The following PHEX variants were observed in gnomAD, a reference collection of about 807,000 sequenced individuals.
PHEX encodes the protein phosphate regulating endopeptidase X-linked.
Under a neutral mutation model 68.0 loss-of-function variants are expected in PHEX, and 16 were observed. The ratio of observed to expected loss-of-function variants is 0.24; its 90% CI spans 0.16 to 0.36. The LOEUF (loss-of-function observed/expected upper bound fraction) is 0.36, where lower values mean the gene tolerates loss of function less well. Ranked by LOEUF, PHEX falls within the 10% of genes least tolerant of loss-of-function variation. PHEX has a pLI of 1.00. For synonymous variants in PHEX, 208 were observed against 205.1 expected, an observed-to-expected ratio of 1.01 and a Z score of -0.12; for missense variants, 480 against 575.5, an observed-to-expected ratio of 0.83 and a Z score of 1.70.
At chrX:22,224,164 A>ATAGAT (rs1935363790) in intron 18 of PHEX, among the ~76,000 whole-genome samples, 1 of 111,168 alleles carries the variant, frequency 9.0e-6, no homozygotes, top group African/African-American at 3.3e-5. Context: ...TGTATTTTTA[A>ATAGAT]TAGATACGGG....
chrX:22,239,229 G>T (rs918799090), intron 20 of PHEX, among the ~76,000 whole-genome samples: 1 of 111,637 alleles, frequency 9.0e-6, no homozygotes, highest in Non-Finnish European at 1.9e-5. Context: ...CATATCCGAA[G>T]GTCACCAGCA....
intron 8 of PHEX, chrX:22,097,908 C>A: frequency 1.1e-5 from 2 of 174,708 alleles, no homozygotes; most frequent in Non-Finnish European, 1.0e-5. Context: ...GCTGGGATTA[C>A]AGGTGCCGGC....
At chrX:22,050,954 A>G (rs752258585) in intron 3 of PHEX, among the ~76,000 whole-genome samples, 4 of 112,134 alleles carry the variant, frequency 3.6e-5, no homozygotes, top group African/African-American at 6.5e-5. Flanking sequence ...ATTTGTCTCT[A>G]TATTTATGAT....
chrX:22,148,978 G>T (rs1323142266), intron 12 of PHEX, among the ~76,000 whole-genome samples: 2 of 111,594 alleles, frequency 1.8e-5, no homozygotes, highest in Non-Finnish European at 3.8e-5. Flanking sequence ...AGGTTTTAGG[G>T]CCCAGAACTG....
chrX:22,175,181 T>C (rs773563390), intron 13 of PHEX, among the ~76,000 whole-genome samples: 9 of 111,988 alleles, frequency 8.0e-5, no homozygotes, highest in Non-Finnish European at 1.3e-4. Flanking sequence ...ATTCTCAACT[T>C]AATAATGAAA....
intron 7 of PHEX, among the ~76,000 whole-genome samples, chrX:22,095,715 A>G (rs1930106859): frequency 1.8e-5 from 2 of 112,449 alleles, no homozygotes; most frequent in Admixed American, 9.4e-5. Context: ...GAGGGGCCAG[A>G]CGTCTGCCAG....
chrX:22,244,468 G>C (rs757066742), intron 20 of PHEX, among the ~76,000 whole-genome samples: 5 of 110,759 alleles, frequency 4.5e-5, no homozygotes, highest in African/African-American at 1.6e-4. Flanking sequence ...TGGGCGTGGC[G>C]GTGTGCACCT....
intron 3 of PHEX, among the ~76,000 whole-genome samples, chrX:22,061,064 T>C (rs746556883): frequency 2.1e-4 from 24 of 111,826 alleles, no homozygotes; most frequent in African/African-American, 7.5e-4. Context: ...GTGTTCCTGC[T>C]GTTGGTTGCC....
chrX:22,233,722 C>T (rs932312412), intron 20 of PHEX, among the ~76,000 whole-genome samples: 4 of 111,496 alleles, frequency 3.6e-5, no homozygotes, highest in African/African-American at 1.3e-4. Context: ...AACCTGTTTT[C>T]AAGGTTCTTA....
intron 12 of PHEX, 151 bp from the exon 13 acceptor site, chrX:22,168,161 A>G (rs1275496314): frequency 1.0e-5 from 5 of 495,198 alleles, no homozygotes; most frequent in Non-Finnish European, 1.8e-5. Flanking sequence ...CTCAATATAT[A>G]TCTATATATT....
At chrX:22,187,444 C>T (rs1455371221) in intron 14 of PHEX, among the ~76,000 whole-genome samples, 1 of 112,004 alleles carries the variant, frequency 8.9e-6, no homozygotes, top group Non-Finnish European at 1.9e-5. Context: ...CGACTTCCTC[C>T]TCTGTTGCAT....
At chrX:22,234,047 A>C (rs183549422) in intron 20 of PHEX, among the ~76,000 whole-genome samples, 1 of 112,708 alleles carries the variant, frequency 8.9e-6, no homozygotes, top group Non-Finnish European at 1.9e-5. Flanking sequence ...TCCTTCTTAC[A>C]AACAGGCTCC....
chrX:22,135,438 G>A (rs180692255), intron 12 of PHEX, among the ~76,000 whole-genome samples: 13 of 109,256 alleles, frequency 1.2e-4, no homozygotes, highest in Middle Eastern at 4.7e-3. Flanking sequence ...CACATGAACC[G>A]AAGAGGTGCT....
chrX:22,138,916 GCTCTAT>G (rs1250397449), intron 12 of PHEX, among the ~76,000 whole-genome samples: 6 of 111,288 alleles, frequency 5.4e-5, no homozygotes, highest in African/African-American at 1.6e-4. Context: ...CTTCTCTTTG[GCTCTAT>G]GTCTCTCTCA....
At chrX:22,161,672 G>T (rs1225811629) in intron 12 of PHEX, among the ~76,000 whole-genome samples, 1 of 111,653 alleles carries the variant, frequency 9.0e-6, no homozygotes, top group African/African-American at 3.3e-5. Flanking sequence ...AGGTGGAATA[G>T]GCTATTGGTT....
intron 16 of PHEX, among the ~76,000 whole-genome samples, chrX:22,213,233 C>T (rs1934988526): frequency 1.8e-5 from 2 of 111,926 alleles, no homozygotes; most frequent in South Asian, 7.4e-4. Flanking sequence ...AGTATTTGGA[C>T]ATTGAAGGAT....
intron 13 of PHEX, among the ~76,000 whole-genome samples, chrX:22,174,001 A>T (rs1467592999): frequency 8.9e-6 from 1 of 112,056 alleles, no homozygotes; most frequent in Non-Finnish European, 1.9e-5. Flanking sequence ...TGCGCTTATT[A>T]CAGGTTCTCC....
chrX:22,113,005 T>TTGTGTG (rs560422828), intron 10 of PHEX, among the ~76,000 whole-genome samples: 2,567 of 88,406 alleles, frequency 0.029, 23 homozygotes, highest in Non-Finnish European at 0.04. Context: ...CAAGTAGGTT[T>TTGTGTG]TGTGTGTGTG....
At chrX:22,146,869 A>G (rs1932724243) in intron 12 of PHEX, among the ~76,000 whole-genome samples, 1 of 111,269 alleles carries the variant, frequency 9.0e-6, no homozygotes, top group African/African-American at 3.3e-5. Context: ...TAAAAAAATA[A>G]AAGACGAAAC....
Sources: allele counts gnomAD v4.1 joint callset (sites outside exome capture counted in the v4.1 genomes callset), GRCh38; gene constraint gnomAD v4.1.1; transcripts MANE v1.5; gene names NCBI Gene and HGNC (gene_info 2026-07-23, HGNC 2026-07-21).